VPS37C: variants seen among roughly 807,000 people sequenced by gnomAD.
VPS37C encodes the protein VPS37C subunit of ESCRT-I, also known as vacuolar protein sorting-associated protein 37C.
Under a neutral mutation model 16.1 loss-of-function variants are expected in VPS37C, and 9 were observed. That is an observed-to-expected ratio of 0.56 (90% CI 0.34 to 0.97). VPS37C has a LOEUF of 0.97. Ranked by LOEUF, VPS37C falls within the 50% of genes least tolerant of loss-of-function variation. The pLI, the probability that VPS37C is intolerant of heterozygous loss-of-function variation, is 0.02. For synonymous variants in VPS37C, 207 were observed against 206.4 expected, an observed-to-expected ratio of 1.00 and a Z score of -0.02; for missense variants, 479 against 472.7, an observed-to-expected ratio of 1.01 and a Z score of -0.12.
rs545655117 is a variant in VPS37C at position 61,137,339 on chromosome 11, T to C, written c.93+1398A>G. On this transcript the variant is annotated intron_variant, in intron 2 of 4. Coordinates refer to ENST00000301765, the MANE Select transcript of VPS37C (RefSeq NM_017966.5). The stretch of plus-strand genomic sequence containing the variant: ...CTTGTCCTGCTTCATTTCTACCTGA[T>C]CCACGAGTGTTTTTTCCCCTCAGAG... Among the ~76,000 whole-genome samples the C allele has an allele frequency of 2.6e-5, 4 of 152,344 alleles. No individual in the cohort carries two copies. In the East Asian group the frequency reaches 7.7e-4, roughly 29 times the overall value.
At chr11:61,153,226 G>A (rs142455421) in intron 1 of VPS37C, among the ~76,000 whole-genome samples, 1 of 152,326 alleles carries the variant, frequency 6.6e-6, no homozygotes, top group East Asian at 1.9e-4. Flanking sequence ...CCCCCATGCT[G>A]TTCTCGTGAC....
At chr11:61,160,682 C>A (rs2134664097) in intron 1 of VPS37C, among the ~76,000 whole-genome samples, 2 of 152,318 alleles carry the variant, frequency 1.3e-5, no homozygotes, top group Admixed American at 1.3e-4. Flanking sequence ...CAGTAACTCA[C>A]AAAACACCTC....
rs1861275764 is a variant in VPS37C at position 61,132,110 on chromosome 11, A to G, written c.778T>C (p.Trp260Arg). The G allele has an allele frequency of 3.5e-6, 5 of 1,428,282 alleles. No individual in the cohort carries two copies. The highest frequency in any genetic ancestry group is 3.1e-5 in the Admixed American group (1 of 31,998). 88.5% of individuals were successfully genotyped at this position (1,428,282 alleles called of 1,614,324 possible). ...GGTGGCATGCTCCTCTGTGGGGACCAGGAGTAACCCGCAGCACCCCTGGGT... is the reference window on the plus strand; with the variant it reads ...GGTGGCATGCTCCTCTGTGGGGACCGGGAGTAACCCGCAGCACCCCTGGGT... ...LGPRGAAGYS[W>R]SPQRSMPPRP... The change falls in exon 5 of 5, where the codon TGG (tryptophan) becomes CGG (arginine). Residue 260 changes from tryptophan to arginine, a missense_variant. Transcript: ENST00000301765.
intron 1 of VPS37C, among the ~76,000 whole-genome samples, chr11:61,159,553 G>A (rs1853430661): frequency 6.6e-6 from 1 of 152,122 alleles, no homozygotes; most frequent in South Asian, 2.1e-4. Context: ...CTAGCACTTT[G>A]GGAGGCCAAA....
Position 61,155,496 on chromosome 11 carries a change from C to G in VPS37C, c.-7+5895G>C, listed in dbSNP as rs148537479. Among the ~76,000 whole-genome samples the G allele has an allele frequency of 2.1e-3, 325 of 152,028 alleles. 1 individual carries two copies. Among genetic ancestry groups the G allele is most frequent in the African/African-American group, 7.7e-3 (319 of 41,470 alleles). On this transcript the variant is annotated intron_variant, in intron 1 of 4. Transcript: ENST00000301765. ...CCTGGATGACAGAGTGAGATTCTGCCTCTTAAAAAGCAAGAAGAAAAAAGG... is the reference window on the plus strand; with the variant it reads ...CCTGGATGACAGAGTGAGATTCTGCGTCTTAAAAAGCAAGAAGAAAAAAGG...
chr11:61,160,113 C>T (rs1853447164), intron 1 of VPS37C, among the ~76,000 whole-genome samples: 1 of 152,090 alleles, frequency 6.6e-6, no homozygotes, highest in South Asian at 2.1e-4. Context: ...GCTATTGCTA[C>T]CTGCAAAACA....
chr11:61,148,150 G>A (rs1318911078), intron 1 of VPS37C, among the ~76,000 whole-genome samples: 1 of 152,132 alleles, frequency 6.6e-6, no homozygotes, highest in Non-Finnish European at 1.5e-5. Flanking sequence ...TGAAATGGCT[G>A]CTGAGATCGT....
At chr11:61,156,522 T>C (rs946618281) in intron 1 of VPS37C, among the ~76,000 whole-genome samples, 22 of 152,126 alleles carry the variant, frequency 1.4e-4, no homozygotes, top group African/African-American at 5.3e-4. Context: ...GAGGAGGCAG[T>C]TGCAGTGAGT....
chr11:61,133,964 A>T, intron 3 of VPS37C, 72 bp downstream of exon 3: 1 of 1,521,320 alleles, frequency 6.6e-7, no homozygotes, highest in East Asian at 2.3e-5. Context: ...CACTTAGCAC[A>T]GGGCTGGGAA....
At chr11:61,133,224 A>G (rs1441521132) in intron 4 of VPS37C, 31 bp downstream of exon 4, 15 of 1,607,468 alleles carry the variant, frequency 9.3e-6, no homozygotes, top group South Asian at 2.2e-5. Flanking sequence ...CACCCCGTCC[A>G]GGGAAGAGGG....
At chr11:61,156,412 G>A (rs1285362594) in intron 1 of VPS37C, among the ~76,000 whole-genome samples, 5 of 152,008 alleles carry the variant, frequency 3.3e-5, no homozygotes, top group South Asian at 2.1e-4. Flanking sequence ...GTGAAATCCC[G>A]TCTCTACTAA....
intron 1 of VPS37C, among the ~76,000 whole-genome samples, chr11:61,149,240 C>T (rs1311228606): frequency 1.1e-4 from 17 of 152,108 alleles, no homozygotes; most frequent in Admixed American, 1.1e-3. Context: ...GAGCCGAGAT[C>T]GCGCCACTGC....
chr11:61,147,678 T>C (rs943487760), intron 1 of VPS37C, among the ~76,000 whole-genome samples: 4 of 152,008 alleles, frequency 2.6e-5, no homozygotes, highest in African/African-American at 4.8e-5. Context: ...TCAGAGATCC[T>C]TTCCAAGGAT....
chr11:61,136,922 T>C (rs907653890), intron 2 of VPS37C, among the ~76,000 whole-genome samples: 2 of 152,112 alleles, frequency 1.3e-5, no homozygotes, highest in Non-Finnish European at 2.9e-5. Flanking sequence ...GGTGGGAGGA[T>C]TGTTTGAGTT....
At chr11:61,160,767 C>A (rs1853461226) in intron 1 of VPS37C, among the ~76,000 whole-genome samples, 1 of 152,218 alleles carries the variant, frequency 6.6e-6, no homozygotes, top group Non-Finnish European at 1.5e-5. Flanking sequence ...AGGAACCAGG[C>A]ATATAATGGG....
intron 3 of VPS37C, 80 bp from the exon 4 acceptor site, chr11:61,133,417 G>A: frequency 7.2e-7 from 1 of 1,389,882 alleles, no homozygotes; most frequent in Non-Finnish European, 9.9e-7. Flanking sequence ...TACCCTCTGT[G>A]TGCATCCAGG....
At position 61,132,457 on chromosome 11, in the gene VPS37C, T is replaced by G. The variant is rs140024820; in HGVS notation, c.431A>C (p.His144Pro). ...ENFSSMRMLS[H>P]LRRVRVEKLQ... ...CTTTTCCACGCGAACCCGGCGCAGG[T>G]GGGACAGCATCCTCATGGAGGAAAA... Residue 144 changes from histidine to proline, a missense_variant, in exon 5 of 5, where the codon CAC (histidine) becomes CCC (proline). Physicochemically the swap from His to Pro is moderately conservative, Grantham distance 77. Coordinates refer to ENST00000301765, the MANE Select transcript of VPS37C (RefSeq NM_017966.5). 1.1e-5 allele frequency: 17 copies of G among 1,612,880 alleles called. No individual in the cohort carries two copies. Among genetic ancestry groups the G allele is most frequent in the Admixed American group, 1.7e-5 (1 of 59,966 alleles).
Position 61,131,032 on chromosome 11 carries a change from C to G in VPS37C, c.*788G>C. ...TGGCTGGGGAGGTGACCTGGCCCTCCAATCCTAAACAAGCCCCAATGTGAC... is the reference window on the plus strand; with the variant it reads ...TGGCTGGGGAGGTGACCTGGCCCTCGAATCCTAAACAAGCCCCAATGTGAC... On this transcript the variant is annotated 3_prime_UTR_variant, in exon 5 of 5. Coordinates refer to ENST00000301765, the MANE Select transcript of VPS37C (RefSeq NM_017966.5). The G allele has an allele frequency of 3.3e-6, 1 of 302,256 alleles. No homozygotes were observed. The highest frequency in any genetic ancestry group is 6.2e-6 in the Non-Finnish European group (1 of 160,152). The allele number at this position is 302,256 out of a possible 1,614,324, so 18.7% of individuals were successfully genotyped here.
chr11:61,160,854 C>CT (rs1853462737), intron 1 of VPS37C, among the ~76,000 whole-genome samples: 2 of 152,182 alleles, frequency 1.3e-5, no homozygotes, highest in Admixed American at 1.3e-4. Flanking sequence ...AGGTCCAAGT[C>CT]TGAGTCCTGA....
Sources: gnomAD v4.1 joint callset for allele counts (sites outside exome capture counted in the v4.1 genomes callset) on GRCh38, gnomAD v4.1.1 for gene constraint, MANE v1.5 for transcripts, NCBI Gene and HGNC (gene_info 2026-07-23, HGNC 2026-07-21) for gene names.